Variants in ASTN2 observed in about 807,000 individuals in gnomAD.
ASTN2 encodes the protein astrotactin-2.
A neutral mutation model predicts 139.8 loss-of-function variants in ASTN2; 54 were observed. The observed-to-expected ratio is 0.39, with a 90% confidence interval of 0.31 to 0.48. ASTN2 has a LOEUF of 0.48. Ranked by LOEUF, ASTN2 falls within the 20% of genes least tolerant of loss-of-function variation. ASTN2 has a pLI of 0.95. For synonymous variants in ASTN2, 756 were observed against 719.5 expected, an observed-to-expected ratio of 1.05 and a Z score of -0.81; for missense variants, 1,565 against 1,725.1, an observed-to-expected ratio of 0.91 and a Z score of 1.64.
intron 1 of ASTN2, among the ~76,000 whole-genome samples, chr9:117,350,685 T>C (rs1829361133): frequency 1.3e-5 from 2 of 152,090 alleles, no homozygotes; most frequent in Non-Finnish European, 2.9e-5. Flanking sequence ...GTATTTGATA[T>C]GATGGCAGAG....
chr9:117,102,710 C>T (rs953170356), intron 4 of ASTN2, among the ~76,000 whole-genome samples: 5 of 151,852 alleles, frequency 3.3e-5, no homozygotes, highest in South Asian at 2.1e-4. Flanking sequence ...TTAATAGAGA[C>T]GGGGATTCAC....
chr9:116,712,861 T>C lies in ASTN2; in HGVS notation c.2806+12910A>G, dbSNP rs183844851. Among the ~76,000 whole-genome samples, 16 of 152,298 alleles carry C rather than the reference T, an allele frequency of 1.1e-4. 1 individual carries two copies. In the East Asian group the frequency reaches 3.1e-3, roughly 29 times the overall value. On this transcript the variant is annotated intron_variant, in intron 16 of 22. Transcript: ENST00000313400. ...TGTTACGAACGTAAAAATGTGACCT[T>C]GAGCAAGTGAGTTTCCACGTTAGGA...
At chr9:116,719,000 A>ATATATAT (rs1564230257) in intron 16 of ASTN2, among the ~76,000 whole-genome samples, 4 of 143,174 alleles carry the variant, frequency 2.8e-5, no homozygotes, top group African/African-American at 1.0e-4. Context: ...ATCTGCCTAT[A>ATATATAT]AGTCTCTCGC....
intron 20 of ASTN2, among the ~76,000 whole-genome samples, chr9:116,464,161 T>C (rs889965280): frequency 2.6e-5 from 4 of 152,096 alleles, no homozygotes; most frequent in African/African-American, 9.7e-5. Context: ...GTGGACATTA[T>C]GACAAATGTC....
chr9:117,185,211 C>T (rs1390817375), intron 3 of ASTN2, among the ~76,000 whole-genome samples: 14 of 152,178 alleles, frequency 9.2e-5, no homozygotes, highest in African/African-American at 3.4e-4. Context: ...TACATTTATT[C>T]CTAGTGCTAT....
intron 1 of ASTN2, among the ~76,000 whole-genome samples, chr9:117,333,565 A>C (rs1564151511): frequency 1.3e-5 from 2 of 152,164 alleles, no homozygotes. Flanking sequence ...ACAGTTTTTA[A>C]ATTATATTTT....
chr9:116,733,390 G>T lies in ASTN2; in HGVS notation c.2521+9C>A. The stretch of plus-strand genomic sequence containing the variant: ...GGAACCTGGGAAGGGTCTGGCACAT[G>T]TGTCTTACCAGTGAGCAGTTGGAGG... On this transcript the variant is annotated intron_variant, in intron 14 of 22. Coordinates refer to ENST00000313400, the MANE Select transcript of ASTN2 (RefSeq NM_001365068.1). 1 of 1,613,926 alleles carries T rather than the reference G, an allele frequency of 6.2e-7. No homozygotes were observed. Among genetic ancestry groups the T allele is most frequent in the Non-Finnish European group, 8.5e-7 (1 of 1,179,876 alleles).
chr9:116,478,864 T>C (rs1361891574), intron 20 of ASTN2, among the ~76,000 whole-genome samples: 1 of 151,878 alleles, frequency 6.6e-6, no homozygotes, highest in Non-Finnish European at 1.5e-5. Context: ...CAGTGGCACG[T>C]GCCTGTAGTC....
chr9:116,788,161 G>A (rs1830428162), intron 13 of ASTN2, among the ~76,000 whole-genome samples: 1 of 152,052 alleles, frequency 6.6e-6, no homozygotes, highest in African/African-American at 2.4e-5. Flanking sequence ...GGCAGGGGGT[G>A]GGAAGAAGAT....
At position 116,871,219 on chromosome 9, in the gene ASTN2, C is replaced by T. The variant is rs190808802; in HGVS notation, c.1890-7486G>A. 1.9e-3 allele frequency among the ~76,000 whole-genome samples: 283 copies of T among 152,174 alleles called. 1 individual carries two copies. The Middle Eastern group carries it at 0.02, about 11-fold the overall frequency. ...GTTGCAGTGAGCCGAGATCGTGCCACGGCACTGCAGCCTGGGCAACAAAGC... is the reference window on the plus strand; with the variant it reads ...GTTGCAGTGAGCCGAGATCGTGCCATGGCACTGCAGCCTGGGCAACAAAGC... On this transcript the variant is annotated intron_variant, in intron 10 of 22. Transcript: ENST00000313400.
chr9:117,173,344 A>C (rs890189701), intron 3 of ASTN2, among the ~76,000 whole-genome samples: 14 of 152,272 alleles, frequency 9.2e-5, no homozygotes, highest in South Asian at 8.3e-4. Context: ...AAAATCAAGC[A>C]GGCAAAAAAT....
chr9:117,290,971 G>A (rs945211605), intron 2 of ASTN2, among the ~76,000 whole-genome samples: 6 of 152,162 alleles, frequency 3.9e-5, no homozygotes, highest in Admixed American at 1.3e-4. Context: ...AGTCATTCTT[G>A]GAATGGCCAG....
intron 13 of ASTN2, among the ~76,000 whole-genome samples, chr9:116,736,491 G>GA (rs1828930133): frequency 6.6e-6 from 1 of 152,156 alleles, no homozygotes; most frequent in Non-Finnish European, 1.5e-5. Context: ...GACTGTCAGT[G>GA]TTGGAAGGGC....
chr9:116,605,040 GAA>G lies in ASTN2; in HGVS notation c.3355+13282_3355+13283del, dbSNP rs139068778. Among the ~76,000 whole-genome samples, 2,837 of 149,630 alleles carry G rather than the reference GAA, an allele frequency of 0.019. 379 individuals carry two copies. In the South Asian group the frequency reaches 0.29, roughly 15 times the overall value. ...GGCACAGAGTGACATGGAATAAAAA[GAA>G]GAGAGAGAGAGAGACAGAGAGCCAC... On this transcript the variant is annotated intron_variant, in intron 19 of 22. Coordinates refer to ENST00000313400, the MANE Select transcript of ASTN2 (RefSeq NM_001365068.1).
intron 1 of ASTN2, among the ~76,000 whole-genome samples, chr9:117,324,655 T>C (rs1246021932): frequency 6.6e-6 from 1 of 152,080 alleles, no homozygotes; most frequent in South Asian, 2.1e-4. Flanking sequence ...AACCATATCA[T>C]GGATCCTTCA....
chr9:116,880,493 A>G (rs1003333916), intron 10 of ASTN2, among the ~76,000 whole-genome samples: 1 of 152,222 alleles, frequency 6.6e-6, no homozygotes, highest in African/African-American at 2.4e-5. Flanking sequence ...CTTGGGCTTC[A>G]GAAAATAAAT....
intron 22 of ASTN2, chr9:116,437,542 G>A (rs1273079186): frequency 2.1e-6 from 1 of 471,102 alleles, no homozygotes; most frequent in Non-Finnish European, 4.4e-6. Flanking sequence ...CGGCCCGGCC[G>A]CCTTTCCAGA....
intron 19 of ASTN2, among the ~76,000 whole-genome samples, chr9:116,512,832 T>C (rs528022002): frequency 6.6e-6 from 1 of 152,290 alleles, no homozygotes; most frequent in South Asian, 2.1e-4. Flanking sequence ...AACCCCTGTC[T>C]TTTTGTTTTC....
At chr9:117,208,037 A>T (rs2133007318) in intron 3 of ASTN2, among the ~76,000 whole-genome samples, 1 of 152,314 alleles carries the variant, frequency 6.6e-6, no homozygotes, top group Non-Finnish European at 1.5e-5. Flanking sequence ...ACTCAATAAA[A>T]TCAGAAGTAA....
Sources: allele counts gnomAD v4.1 joint callset (sites outside exome capture counted in the v4.1 genomes callset), GRCh38; gene constraint gnomAD v4.1.1; transcripts MANE v1.5; gene names NCBI Gene and HGNC (gene_info 2026-07-23, HGNC 2026-07-21).